Variants in ANO10 observed in about 807,000 individuals in gnomAD.
ANO10 encodes anoctamin-10.
A neutral mutation model predicts 74.7 loss-of-function variants in ANO10; 77 were observed. The ratio of observed to expected loss-of-function variants is 1.03; its 90% CI spans 0.86 to 1.25. The LOEUF is 1.25. Among genes scored for constraint, ANO10 ranks in the 50% most tolerant of loss-of-function variants. The pLI is 0.00. For missense variants in ANO10, 721 were observed against 778.1 expected, an observed-to-expected ratio of 0.93 and a Z score of 0.87; for synonymous variants, 279 against 284.9, an observed-to-expected ratio of 0.98 and a Z score of 0.21.
chr3:43,409,149 C>T (rs990471381), intron 12 of ANO10, among the ~76,000 whole-genome samples: 2 of 152,194 alleles, frequency 1.3e-5, no homozygotes, highest in Non-Finnish European at 2.9e-5. Context: ...AATTTAAACA[C>T]ACACATTATC....
chr3:43,667,884 CAATCATGGAG>C, intron 1 of ANO10, among the ~76,000 whole-genome samples: 1 of 152,182 alleles, frequency 6.6e-6, no homozygotes. Context: ...TTACAATTGC[CAATCATGGAG>C]AAACATGTGT....
intron 1 of ANO10, among the ~76,000 whole-genome samples, chr3:43,668,085 A>AC (rs2084013804): frequency 6.6e-6 from 1 of 152,042 alleles, no homozygotes; most frequent in South Asian, 2.1e-4. Context: ...CCACATCCAC[A>AC]CCAACGTCTA....
At chr3:43,611,908 T>G (rs1284641853) in intron 1 of ANO10, among the ~76,000 whole-genome samples, 1 of 151,966 alleles carries the variant, frequency 6.6e-6, no homozygotes, top group African/African-American at 2.4e-5. Context: ...TAGCCCAAAC[T>G]TGCTGTTAAA....
At chr3:43,494,324 A>T (rs2076837550) in intron 11 of ANO10, among the ~76,000 whole-genome samples, 1 of 152,228 alleles carries the variant, frequency 6.6e-6, no homozygotes, top group East Asian at 1.9e-4. Context: ...ATGGTGGCAG[A>T]CGCCTGTAAT....
At chr3:43,513,559 G>C (rs1354039821) in intron 11 of ANO10, among the ~76,000 whole-genome samples, 2 of 152,072 alleles carry the variant, frequency 1.3e-5, no homozygotes, top group African/African-American at 2.4e-5. Flanking sequence ...GCCCAGGCTG[G>C]AGTGCAGTGG....
chr3:43,442,729 T>C (rs1156250627), intron 11 of ANO10, among the ~76,000 whole-genome samples: 1 of 152,152 alleles, frequency 6.6e-6, no homozygotes, highest in Admixed American at 6.6e-5. Flanking sequence ...AGCCACACAG[T>C]CTCTGTCACA....
chr3:43,644,118 A>G (rs1559382358), intron 1 of ANO10, among the ~76,000 whole-genome samples: 1 of 151,794 alleles, frequency 6.6e-6, no homozygotes, highest in Non-Finnish European at 1.5e-5. Flanking sequence ...GTTTTTGCTG[A>G]ATGTTGAAAA....
intron 11 of ANO10, among the ~76,000 whole-genome samples, chr3:43,445,402 G>A (rs1309158130): frequency 7.7e-6 from 1 of 129,260 alleles, no homozygotes; most frequent in Non-Finnish European, 1.8e-5. Flanking sequence ...GTGTATATGG[G>A]AACTATCAGT....
intron 1 of ANO10, among the ~76,000 whole-genome samples, chr3:43,656,011 C>T (rs1473941523): frequency 9.6e-5 from 7 of 73,132 alleles, no homozygotes; most frequent in Non-Finnish European, 5.4e-5. Context: ...AGGTTCTCCA[C>T]GTCCCCACCA....
At chr3:43,579,192 A>T (rs929531417) in intron 5 of ANO10, among the ~76,000 whole-genome samples, 9 of 152,192 alleles carry the variant, frequency 5.9e-5, no homozygotes, top group African/African-American at 2.2e-4. Flanking sequence ...AATTTTAAAT[A>T]ATGTCCAGCA....
intron 11 of ANO10, chr3:43,485,660 C>A (rs2076451783): frequency 1.1e-5 from 2 of 179,596 alleles, no homozygotes; most frequent in South Asian, 1.2e-4. Context: ...CGAAGTTCTT[C>A]ACCCGCAGTG....
intron 1 of ANO10, among the ~76,000 whole-genome samples, chr3:43,665,055 A>G (rs1031247632): frequency 6.6e-6 from 1 of 152,208 alleles, no homozygotes; most frequent in Admixed American, 6.5e-5. Context: ...AAATCATTCT[A>G]CGATAAAGAC....
At chr3:43,479,239 C>T (rs1199067243) in intron 11 of ANO10, among the ~76,000 whole-genome samples, 1 of 152,204 alleles carries the variant, frequency 6.6e-6, no homozygotes, top group Non-Finnish European at 1.5e-5. Flanking sequence ...TGTATCATGT[C>T]TCATGTGGTA....
intron 11 of ANO10, among the ~76,000 whole-genome samples, chr3:43,545,440 C>G (rs1364727810): frequency 1.3e-5 from 2 of 152,030 alleles, no homozygotes; most frequent in Non-Finnish European, 1.5e-5. Flanking sequence ...GTGGCGCAAT[C>G]TCGGCTTACC....
At chr3:43,685,975 T>C (rs2084269879) in intron 1 of ANO10, among the ~76,000 whole-genome samples, 1 of 152,228 alleles carries the variant, frequency 6.6e-6, no homozygotes, top group African/African-American at 2.4e-5. Context: ...TGACCTGGCG[T>C]TTGTGTCCCA....
intron 1 of ANO10, among the ~76,000 whole-genome samples, chr3:43,665,677 T>C (rs947937375): frequency 6.6e-6 from 1 of 152,200 alleles, no homozygotes; most frequent in Non-Finnish European, 1.5e-5. Flanking sequence ...ATATTGCTCC[T>C]GCTCAAGAAC....
At chr3:43,458,104 A>G (rs893504943) in intron 11 of ANO10, among the ~76,000 whole-genome samples, 3 of 152,212 alleles carry the variant, frequency 2.0e-5, no homozygotes, top group Non-Finnish European at 4.4e-5. Flanking sequence ...TTTTGTTCCT[A>G]GCTTGTTAAC....
At chr3:43,556,510 C>T (rs1331597663) in intron 9 of ANO10, among the ~76,000 whole-genome samples, 2 of 152,112 alleles carry the variant, frequency 1.3e-5, no homozygotes, top group South Asian at 2.1e-4. Flanking sequence ...GATAGCTACA[C>T]GTTAACACTG....
chr3:43,574,705 T>G lies in ANO10; in HGVS notation c.1218+104A>C, dbSNP rs571406728. ...TCCTTGCCTATTTGCACAAAATATA[T>G]TGATATCTTAGATTAGAAGCAACTC... On this transcript the variant is annotated intron_variant, in intron 7 of 12. Coordinates refer to ENST00000292246, the MANE Select transcript of ANO10 (RefSeq NM_018075.5). The G allele has an allele frequency of 7.7e-6, 7 of 912,680 alleles. No individual in the cohort carries two copies. The East Asian group carries it at 1.8e-4, about 24-fold the overall frequency. The allele number at this position is 912,680 out of a possible 1,614,324, so 56.5% of individuals were successfully genotyped here. A position where few individuals can be genotyped will look rare whatever the true frequency, so the allele number is the denominator to read the frequency against.
Sources: allele counts gnomAD v4.1 joint callset (sites outside exome capture counted in the v4.1 genomes callset), GRCh38; gene constraint gnomAD v4.1.1; transcripts MANE v1.5; gene names NCBI Gene and HGNC (gene_info 2026-07-23, HGNC 2026-07-21).